Variants in DAPK2 observed in about 807,000 individuals in gnomAD.
The protein encoded by DAPK2 is death associated protein kinase 2, also known as death-associated protein kinase 2.
A neutral mutation model predicts 44.1 loss-of-function variants in DAPK2; 35 were observed. The ratio of observed to expected loss-of-function variants is 0.79; its 90% CI spans 0.61 to 1.05. The LOEUF (loss-of-function observed/expected upper bound fraction) is 1.05, where lower values mean the gene tolerates loss of function less well. Among genes scored for constraint, DAPK2 ranks in the 50% least tolerant of loss-of-function variants. DAPK2 has a pLI of 0.00. For synonymous variants in DAPK2, 174 were observed against 182.6 expected, an observed-to-expected ratio of 0.95 and a Z score of 0.38; for missense variants, 453 against 483.2, an observed-to-expected ratio of 0.94 and a Z score of 0.59.
chr15:64,044,766 T>G (rs1027179303), upstream of DAPK2, among the ~76,000 whole-genome samples: 6 of 152,158 alleles, frequency 3.9e-5, no homozygotes, highest in Non-Finnish European at 8.8e-5. Context: ...CTCTGCAAAG[T>G]GAACTCTCTC....
intron 3 of DAPK2, among the ~76,000 whole-genome samples, chr15:63,942,754 T>C (rs1013812645): frequency 2.0e-5 from 3 of 151,892 alleles, no homozygotes. Flanking sequence ...CCTATTCACA[T>C]TTCAGCAAAG....
chr15:63,987,017 T>A (rs562540863), intron 1 of DAPK2, among the ~76,000 whole-genome samples: 1 of 152,118 alleles, frequency 6.6e-6, no homozygotes, highest in Non-Finnish European at 1.5e-5. Flanking sequence ...AGGGGAGGGG[T>A]TGTCTCTCCC....
chr15:63,956,154 C>A (rs763620881), intron 3 of DAPK2, among the ~76,000 whole-genome samples: 9 of 152,058 alleles, frequency 5.9e-5, no homozygotes, highest in African/African-American at 1.9e-4. Context: ...TCTCCTTTTT[C>A]GTCTCTGATT....
chr15:64,046,364 C>A (rs182234478), upstream of DAPK2: 40,991 of 309,412 alleles, frequency 0.13, 6,844 homozygotes, highest in South Asian at 0.27. This position sits in a 1 kb window ranked among gnomAD's most constrained non-coding sequence, Gnocchi z 5.3. Context: ...GCGCGGCGGG[C>A]GCGGCGGGCG....
At chr15:63,983,417 C>G in intron 2 of DAPK2, 116 bp downstream of exon 3, 1 of 894,604 alleles carries the variant, frequency 1.1e-6, no homozygotes. Flanking sequence ...TTCACCTCCT[C>G]TGGGCTGAGC....
chr15:63,926,065 C>T (rs1320991389), exon 7 of DAPK2: 1 of 1,612,416 alleles, frequency 6.2e-7, no homozygotes, highest in Admixed American at 1.7e-5. Context: ...TGCTTCGTGT[C>T]TCCCAGGAAA....
At chr15:63,951,280 G>T (rs1288898624) in intron 3 of DAPK2, among the ~76,000 whole-genome samples, 1 of 152,052 alleles carries the variant, frequency 6.6e-6, no homozygotes, top group Non-Finnish European at 1.5e-5. Flanking sequence ...ACATAAAAAT[G>T]CCCTCTACAA....
upstream of DAPK2, among the ~76,000 whole-genome samples, chr15:64,042,353 G>GA (rs879834009): frequency 3.5e-3 from 522 of 149,580 alleles, 2 homozygotes; most frequent in African/African-American, 0.012. This position sits in a 1 kb window ranked among gnomAD's most constrained non-coding sequence, Gnocchi z 4.7. Context: ...CTTTTCAATG[G>GA]AAAAAAAAAA....
chr15:63,960,601 G>A (rs1048414669), intron 3 of DAPK2, among the ~76,000 whole-genome samples: 2 of 152,124 alleles, frequency 1.3e-5, no homozygotes, highest in Non-Finnish European at 2.9e-5. Context: ...TCTTCATTTC[G>A]TTATGTACCC....
chr15:63,929,981 G>A (rs1159081699), intron 5 of DAPK2: 3 of 440,372 alleles, frequency 6.8e-6, no homozygotes, highest in Admixed American at 6.3e-5. Flanking sequence ...CAAATGAAAC[G>A]AGTCCCATCT....
At chr15:63,961,789 T>G (rs906451691) in intron 3 of DAPK2, among the ~76,000 whole-genome samples, 2 of 152,214 alleles carry the variant, frequency 1.3e-5, no homozygotes, top group Admixed American at 6.5e-5. Context: ...TTTCCTTTAT[T>G]TCAACTTTGG....
intron 5 of DAPK2, chr15:63,929,790 G>A (rs1472574670): frequency 1.2e-5 from 8 of 683,684 alleles, no homozygotes; most frequent in Non-Finnish European, 2.1e-5. Context: ...TGAGTCCGAA[G>A]ACCCAAGTTC....
intron 2 of DAPK2, among the ~76,000 whole-genome samples, chr15:63,972,434 T>C (rs2078238341): frequency 6.6e-6 from 1 of 152,224 alleles, no homozygotes; most frequent in South Asian, 2.1e-4. Flanking sequence ...ATTCTCAATC[T>C]TCTTAGAGAA....
chr15:63,947,897 T>C (rs1406353477), intron 3 of DAPK2, among the ~76,000 whole-genome samples: 1 of 152,142 alleles, frequency 6.6e-6, no homozygotes, highest in Non-Finnish European at 1.5e-5. Context: ...GCTTGATCCA[T>C]AGCACCAACC....
At chr15:63,948,270 CAAAAAAAAAAAAAAAA>C (rs3056984) in intron 3 of DAPK2, among the ~76,000 whole-genome samples, 1 of 51,920 alleles carries the variant, frequency 1.9e-5, no homozygotes, top group East Asian at 1.1e-3. Context: ...GACTCCATCT[CAAAAAAAAAAAAAAAA>C]AAAAAAAAAA....
chr15:64,016,472 G>A (rs192368701), intron 1 of DAPK2, among the ~76,000 whole-genome samples: 4 of 152,280 alleles, frequency 2.6e-5, no homozygotes, highest in East Asian at 3.9e-4. Flanking sequence ...GTAAATAATC[G>A]CTGCCTTGCA....
rs578129593 is a variant in DAPK2, at chr15:63,908,888, T to G, written c.1033-288A>C. ...AAAGAAAATTACATCTAGTTCCCTTTGTGGCTGCCATATAATCAAGGCCAC... is the reference window on the plus strand; with the variant it reads ...AAAGAAAATTACATCTAGTTCCCTTGGTGGCTGCCATATAATCAAGGCCAC... On this transcript the variant is annotated intron_variant, in intron 10 of 10. Coordinates refer to ENST00000261891, the Ensembl canonical transcript of DAPK2. This position sits in a 1 kb window ranked among gnomAD's most constrained non-coding sequence, Gnocchi z 5.7. 6.6e-4 allele frequency: 140 copies of G among 210,768 alleles called. 1 individual carries two copies. Among genetic ancestry groups the G allele is most frequent in the South Asian group, 6.5e-3 (57 of 8,820 alleles). The allele number at this position is 210,768 out of a possible 1,614,324, so 13.1% of individuals were successfully genotyped here.
chr15:63,979,732 G>C (rs2078450352), intron 2 of DAPK2, among the ~76,000 whole-genome samples: 1 of 152,102 alleles, frequency 6.6e-6, no homozygotes. Context: ...GGCCAACAGA[G>C]TGAAACCCCA....
At chr15:64,044,968 T>C (rs1015502652), upstream of DAPK2, among the ~76,000 whole-genome samples, 10 of 152,256 alleles carry the variant, frequency 6.6e-5, no homozygotes, top group African/African-American at 2.4e-4. Flanking sequence ...CCTCTCTACA[T>C]TCCAGGCTTT....
Sources: gnomAD v4.1 joint callset for allele counts (sites outside exome capture counted in the v4.1 genomes callset) on GRCh38, gnomAD v4.1.1 for gene constraint, Gnocchi (gnomAD v3.1) non-coding constraint, MANE v1.5 for transcripts, NCBI Gene and HGNC (gene_info 2026-07-23, HGNC 2026-07-21) for gene names.